The following TIMM50 variants were observed in gnomAD, a reference collection of about 807,000 sequenced individuals.
The protein encoded by TIMM50 is mitochondrial import inner membrane translocase subunit TIM50.
A neutral mutation model predicts 49.6 loss-of-function variants in TIMM50; 34 were observed. That is an observed-to-expected ratio of 0.69 (90% CI 0.52 to 0.91). The LOEUF (loss-of-function observed/expected upper bound fraction) is 0.91, where lower values mean the gene tolerates loss of function less well. Among genes scored for constraint, TIMM50 ranks in the 40% least tolerant of loss-of-function variants. TIMM50 has a pLI of 0.00. For synonymous variants in TIMM50, 199 were observed against 198.4 expected (o/e 1.00, Z -0.03); for missense variants, 458 against 477.8 (o/e 0.96, Z 0.39).
At chr19:39,482,055 C>T in intron 2 of TIMM50, 22 bp downstream of exon 2, 1 of 1,606,784 alleles carries the variant, frequency 6.2e-7, no homozygotes, top group Non-Finnish European at 8.5e-7. Flanking sequence ...ATCCCTGTCC[C>T]CCAGTTTTGT....
Position 39,482,933 on chromosome 19 carries a change from C to T in TIMM50, c.291+17C>T. The T allele has an allele frequency of 2.5e-6, 4 of 1,614,102 alleles. No homozygotes were observed. Among genetic ancestry groups the T allele is most frequent in the Non-Finnish European group, 3.4e-6 (4 of 1,180,004 alleles). On this transcript the variant is annotated intron_variant, in intron 3 of 10. Transcript: ENST00000607714. Reference sequence around the variant, plus strand: ...GGTGCCAAGGTGAGGGGGAAAGAGACCGAGGCCTTGCCAGGAGTCCTAGTC... The same window carrying T: ...GGTGCCAAGGTGAGGGGGAAAGAGATCGAGGCCTTGCCAGGAGTCCTAGTC...
At chr19:39,487,855 G>C (rs554045078) in intron 8 of TIMM50, among the ~76,000 whole-genome samples, 3 of 152,094 alleles carry the variant, frequency 2.0e-5, no homozygotes, top group Admixed American at 2.0e-4. Context: ...GCCTCCCAAA[G>C]TGCTGGGATT....
intron 8 of TIMM50, 135 bp from the exon 9 acceptor site, chr19:39,487,926 T>G: frequency 7.4e-7 from 1 of 1,346,600 alleles, no homozygotes; most frequent in Non-Finnish European, 1.0e-6. Flanking sequence ...CCAAAGCCGG[T>G]CTTTGAGAGG....
chr19:39,483,355 A>T, intron 4 of TIMM50, 199 bp downstream of exon 4: 145 of 487,058 alleles, frequency 3.0e-4, no homozygotes, highest in Non-Finnish European at 3.8e-4. Flanking sequence ...CCCCGAGCAG[A>T]TGGTCAGAGA....
intron 8 of TIMM50, among the ~76,000 whole-genome samples, chr19:39,487,130 A>C (rs1236192000): frequency 6.6e-6 from 1 of 152,146 alleles, no homozygotes; most frequent in Non-Finnish European, 1.5e-5. Context: ...TTAAACCTGC[A>C]ACATACCACA....
At position 39,489,732 on chromosome 19, in the gene TIMM50, G is replaced by A. The variant is rs371263769; in HGVS notation, c.974G>A (p.Arg325His). ...QSRLEQEEQQ[R>H]LAELSKSNKQ... ...CCCCTACCCCAGGAGGAGCAGCAGC[G>A]CCTGGCCGAGCTCTCCAAGTCCAAC... is the stretch of plus-strand genomic sequence containing the variant. The change falls in exon 11 of 11, where the codon CGC (arginine) becomes CAC (histidine). Residue 325 changes from arginine to histidine, a missense_variant. Transcript: ENST00000607714. 79 of 1,607,248 alleles carry A rather than the reference G, an allele frequency of 4.9e-5. No homozygotes were observed. Among genetic ancestry groups the A allele is most frequent in the Non-Finnish European group, 6.2e-5 (73 of 1,177,292 alleles).
At chr19:39,489,097 G>C (rs569566467) in intron 10 of TIMM50, among the ~76,000 whole-genome samples, 1 of 152,066 alleles carries the variant, frequency 6.6e-6, no homozygotes, top group Admixed American at 6.5e-5. Context: ...GATTCCCAGG[G>C]GTCTAGGCTG....
At position 39,493,047 on chromosome 19, in the gene TIMM50, A is replaced by T. The variant is rs567785891; in HGVS notation, c.*3227A>T. ...TCTCTGGTGTGTGTGATGATAATTA[A>T]AAGGCATTCAGAACTGTGTGGACCA... On this transcript the variant is annotated 3_prime_UTR_variant, in exon 11 of 11. Coordinates refer to ENST00000607714, the MANE Select transcript of TIMM50 (RefSeq NM_001001563.5). 1.3e-5 allele frequency: 2 copies of T among 152,042 alleles called. No homozygotes were observed. The highest frequency in any genetic ancestry group is 3.9e-4 in the East Asian group (2 of 5,172). The allele number at this position is 152,042 out of a possible 1,614,324, so 9.4% of individuals were successfully genotyped here. A position where few individuals can be genotyped will look rare whatever the true frequency, so the allele number is the denominator to read the frequency against.
chr19:39,491,581 A>C lies in TIMM50; in HGVS notation c.*1761A>C, dbSNP rs945736394. 6.6e-6 allele frequency: 1 copy of C among 151,084 alleles called. No individual in the cohort carries two copies. The highest frequency in any genetic ancestry group is 1.5e-5 in the Non-Finnish European group (1 of 67,778). The allele number at this position is 151,084 out of a possible 1,614,324, so 9.4% of individuals were successfully genotyped here. On this transcript the variant is annotated 3_prime_UTR_variant, in exon 11 of 11. Transcript: ENST00000607714. ...ACGCCTGTAATCCTGACACTTTGGG[A>C]GGCCGAAGCAGGAGGATTGCTTGAA...
In TIMM50 at chr19:39,481,991, C is replaced by G; in HGVS notation, c.217C>G (p.Leu73Val). Residue 73 changes from leucine to valine, a missense_variant, in exon 2 of 11, where the codon CTG becomes GTG. Transcript: ENST00000607714. ...AKKVALWLAG[L>V]LGAGGTVSVV... ...AAAAGTTGCGCTCTGGCTTGCTGGGCTGCTTGGAGCTGGTGGGACTGTGAG... is the reference window on the plus strand; with the variant it reads ...AAAAGTTGCGCTCTGGCTTGCTGGGGTGCTTGGAGCTGGTGGGACTGTGAG... 1 of 1,614,164 alleles carries G rather than the reference C, an allele frequency of 6.2e-7. No homozygotes were observed. Among genetic ancestry groups the G allele is most frequent in the Non-Finnish European group, 8.5e-7 (1 of 1,180,030 alleles).
At chr19:39,483,931 G>A (rs2079488442) in intron 4 of TIMM50, among the ~76,000 whole-genome samples, 1 of 152,020 alleles carries the variant, frequency 6.6e-6, no homozygotes, top group Non-Finnish European at 1.5e-5. Context: ...TTGGCTCACT[G>A]CAACCTCCAC....
At chr19:39,486,788 A>G (rs2079510439) in intron 8 of TIMM50, among the ~76,000 whole-genome samples, 1 of 152,132 alleles carries the variant, frequency 6.6e-6, no homozygotes, top group Non-Finnish European at 1.5e-5. Flanking sequence ...CTGTGTCTGT[A>G]ACTTAGTGTT....
At chr19:39,488,253 C>T (rs1037146343) in intron 9 of TIMM50, 36 bp downstream of exon 9, 1 of 1,585,178 alleles carries the variant, frequency 6.3e-7, no homozygotes, top group Non-Finnish European at 8.6e-7. Flanking sequence ...CCTCTGACCC[C>T]AGAGCCCCTG....
At chr19:39,481,583 C>T (rs1464769422) in intron 1 of TIMM50, among the ~76,000 whole-genome samples, 1 of 152,190 alleles carries the variant, frequency 6.6e-6, no homozygotes, top group African/African-American at 2.4e-5. Context: ...TTAGGCCCTC[C>T]CATCCCTTAT....
rs774139074 is a variant in TIMM50, at chr19:39,485,531, G to C, written c.314-13G>C. 13 of 1,613,960 alleles carry C rather than the reference G, an allele frequency of 8.1e-6. No individual in the cohort carries two copies. The South Asian group carries it at 1.3e-4, about 16-fold the overall frequency. ...CTTATTGTGGAATCTCTTTGTGCCT[G>C]GTGTTCTCCTAGATCCAATTCTGGT... is the stretch of plus-strand genomic sequence containing the variant. On this transcript the variant is annotated splice_polypyrimidine_tract_variant and intron_variant, in intron 4 of 10. Coordinates refer to ENST00000607714, the MANE Select transcript of TIMM50 (RefSeq NM_001001563.5).
Position 39,480,883 on chromosome 19 carries a change from C to T in TIMM50, c.30C>T (p.Arg10=), listed in dbSNP as rs1324014558. The T allele has an allele frequency of 1.3e-6, 2 of 1,599,602 alleles. No individual in the cohort carries two copies. Among genetic ancestry groups the T allele is most frequent in the African/African-American group, 1.3e-5 (1 of 74,786 alleles). Residue 10 remains arginine (R), a synonymous_variant, in exon 1 of 11, where the codon CGC becomes CGT. Transcript: ENST00000607714. The part of the protein sequence containing the change: MAASAAVFS[R]LRSGLRLGSR... The stretch of plus-strand genomic sequence containing the variant: ...CGGCCTCGGCAGCGGTGTTCTCGCG[C>T]TTGCGAAGCGGGCTCCGGCTCGGCT...
In TIMM50 at chr19:39,480,866, G is replaced by A. The variant is rs1251663015; in HGVS notation, c.13G>A (p.Ala5Thr). The A allele has an allele frequency of 6.9e-6, 11 of 1,598,886 alleles. No individual in the cohort carries two copies. Among genetic ancestry groups the A allele is most frequent in the South Asian group, 1.1e-5 (1 of 89,826 alleles). The change falls in exon 1 of 11, where the codon GCA becomes ACA. Residue 5 changes from alanine (A) to threonine (T), a missense_variant. Coordinates refer to ENST00000607714, the MANE Select transcript of TIMM50 (RefSeq NM_001001563.5). ...GCGTCAGCGCAAGATGGCGGCCTCG[G>A]CAGCGGTGTTCTCGCGCTTGCGAAG... is the stretch of plus-strand genomic sequence containing the variant. MAAS[A>T]AVFSRLRSGL...
chr19:39,485,568 G>A lies in TIMM50; in HGVS notation c.338G>A (p.Arg113His), dbSNP rs753312005. 4.3e-6 allele frequency: 7 copies of A among 1,614,090 alleles called. No individual in the cohort carries two copies. Among genetic ancestry groups the A allele is most frequent in the South Asian group, 2.2e-5 (2 of 91,070 alleles). Residue 113 changes from arginine to histidine, a missense_variant, in exon 5 of 11, where the codon CGC (arginine) becomes CAC (histidine). Transcript: ENST00000607714. ...GATCCAATTCTGGTACAGCAGTTGC[G>A]CCGGACATACAAATATTTCAAAGAT... ...DNDPILVQQL[R>H]RTYKYFKDYR...
chr19:39,482,852 A>G, intron 2 of TIMM50, 33 bp from the exon 3 acceptor site: 1 of 1,613,770 alleles, frequency 6.2e-7, no homozygotes, highest in Non-Finnish European at 8.5e-7. Context: ...ACTGGGCCCT[A>G]ATTCCTCATA....
Sources: gnomAD v4.1 joint callset for allele counts (sites outside exome capture counted in the v4.1 genomes callset) on GRCh38, gnomAD v4.1.1 for gene constraint, MANE v1.5 for transcripts, NCBI Gene and HGNC (gene_info 2026-07-23, HGNC 2026-07-21) for gene names.